ARHGAP26: variants seen among roughly 807,000 people sequenced by gnomAD.
ARHGAP26 encodes the protein rho GTPase-activating protein 26.
Under a neutral mutation model 104.8 loss-of-function variants are expected in ARHGAP26, and 38 were observed. The observed-to-expected ratio is 0.36, with a 90% CI of 0.28 to 0.48. The LOEUF (loss-of-function observed/expected upper bound fraction) is 0.48, where lower values mean the gene tolerates loss of function less well. Ranked by LOEUF, ARHGAP26 falls within the 20% of genes least tolerant of loss-of-function variation. The pLI is 0.99. For synonymous variants in ARHGAP26, 341 were observed against 340.0 expected (o/e 1.00, Z -0.03); for missense variants, 704 against 947.9 (o/e 0.74, Z 3.38).
intron 11 of ARHGAP26, among the ~76,000 whole-genome samples, chr5:142,959,765 A>G (rs1769901799): frequency 6.6e-6 from 1 of 152,252 alleles, no homozygotes; most frequent in South Asian, 2.1e-4. Context: ...CTTTAATTGT[A>G]TCTGCAAAAC....
chr5:142,981,458 C>T (rs971025582), intron 11 of ARHGAP26, among the ~76,000 whole-genome samples: 3 of 152,148 alleles, frequency 2.0e-5, no homozygotes, highest in East Asian at 3.8e-4. Context: ...CATGCAGGCA[C>T]CTTCCTCTGC....
intron 20 of ARHGAP26, among the ~76,000 whole-genome samples, chr5:143,196,148 A>G (rs1354704044): frequency 2.6e-5 from 4 of 152,064 alleles, no homozygotes; most frequent in Non-Finnish European, 1.5e-5. Flanking sequence ...CCCCCTAAAT[A>G]ATACTAAATT....
At chr5:143,207,153 GTT>G in intron 20 of ARHGAP26, 43 bp from the exon 21 acceptor site, 1 of 1,593,010 alleles carries the variant, frequency 6.3e-7, no homozygotes, top group East Asian at 2.2e-5. Flanking sequence ...TCCCATTGTG[GTT>G]TCCCTGTGTG....
At chr5:142,919,469 C>T (rs907990533) in intron 10 of ARHGAP26, 61 of 398,194 alleles carry the variant, frequency 1.5e-4, no homozygotes, top group Middle Eastern at 1.2e-3. Context: ...CACTTTGTTA[C>T]GGCAGCCCCA....
At chr5:143,188,794 A>T (rs1309385534) in intron 20 of ARHGAP26, among the ~76,000 whole-genome samples, 1 of 152,240 alleles carries the variant, frequency 6.6e-6, no homozygotes, top group Non-Finnish European at 1.5e-5. Context: ...AGAACTTTAG[A>T]ACTGTTACAT....
chr5:142,808,702 G>C (rs1419716001), intron 1 of ARHGAP26, among the ~76,000 whole-genome samples: 1 of 152,098 alleles, frequency 6.6e-6, no homozygotes, highest in Non-Finnish European at 1.5e-5. Context: ...CCAGCTGGTG[G>C]TCGAGCTGCC....
chr5:142,902,111 A>G, intron 7 of ARHGAP26, 72 bp downstream of exon 7: 3 of 1,370,510 alleles, frequency 2.2e-6, no homozygotes, highest in Non-Finnish European at 3.1e-6. Flanking sequence ...ATTGCCCTAG[A>G]AACCATCCAG....
At chr5:142,867,286 A>AGG (rs1469738599) in intron 1 of ARHGAP26, among the ~76,000 whole-genome samples, 3 of 125,938 alleles carry the variant, frequency 2.4e-5, no homozygotes, top group African/African-American at 1.1e-4. Context: ...AGATTTGCAC[A>AGG]GGGTGTGTGT....
chr5:142,917,037 ATTTTTTTT>A (rs35921990), intron 10 of ARHGAP26, among the ~76,000 whole-genome samples: 7 of 135,428 alleles, frequency 5.2e-5, no homozygotes, highest in Admixed American at 1.5e-4. Context: ...AGACTTTGGA[ATTTTTTTT>A]TTTTTTTTTT....
intron 1 of ARHGAP26, among the ~76,000 whole-genome samples, chr5:142,851,945 A>C (rs187219734): frequency 2.0e-5 from 3 of 152,218 alleles, no homozygotes; most frequent in African/African-American, 7.2e-5. Context: ...TTCACTCTAC[A>C]TAGGCACACA....
In ARHGAP26 at chr5:142,830,125, G is replaced by A. The variant is rs114125012; in HGVS notation, c.155-43275G>A. The stretch of plus-strand genomic sequence containing the variant: ...TGGCCAAGCCTCAGGAACATAGCAC[G>A]TGGGGATGTTATTCATGTTCAATAA... On this transcript the variant is annotated intron_variant, in intron 1 of 22. Transcript: ENST00000645722. 3.0e-3 allele frequency among the ~76,000 whole-genome samples: 455 copies of A among 152,330 alleles called. 6 individuals carry two copies. Among genetic ancestry groups the A allele is most frequent in the African/African-American group, 9.7e-3 (403 of 41,562 alleles).
intron 10 of ARHGAP26, among the ~76,000 whole-genome samples, chr5:142,925,363 C>A (rs1378802003): frequency 1.3e-5 from 2 of 152,192 alleles, no homozygotes; most frequent in Non-Finnish European, 2.9e-5. Flanking sequence ...CAACATAAGA[C>A]CAAGTCTATT....
At chr5:142,933,867 G>A (rs1282169040) in intron 11 of ARHGAP26, among the ~76,000 whole-genome samples, 2 of 152,154 alleles carry the variant, frequency 1.3e-5, no homozygotes, top group African/African-American at 2.4e-5. Context: ...TTTGACCCAT[G>A]TCTAATCCTA....
At chr5:143,139,846 GAC>G (rs910765366) in intron 19 of ARHGAP26, among the ~76,000 whole-genome samples, 3 of 152,194 alleles carry the variant, frequency 2.0e-5, no homozygotes, top group Admixed American at 2.0e-4. Context: ...GAAAGGTACT[GAC>G]ACACACGCTG....
chr5:143,035,458 T>C (rs1782473041), intron 12 of ARHGAP26, among the ~76,000 whole-genome samples: 1 of 152,148 alleles, frequency 6.6e-6, no homozygotes, highest in African/African-American at 2.4e-5. Context: ...AAACATTGTA[T>C]GTTCTCACTC....
At chr5:142,904,411 C>T (rs1023069384) in intron 8 of ARHGAP26, among the ~76,000 whole-genome samples, 9 of 151,722 alleles carry the variant, frequency 5.9e-5, no homozygotes, top group South Asian at 2.1e-4. Context: ...GATTGCTTAC[C>T]GGAGTGAGCC....
intron 20 of ARHGAP26, among the ~76,000 whole-genome samples, chr5:143,183,042 TCTC>T (rs1804609769): frequency 1.4e-5 from 2 of 145,010 alleles, no homozygotes; most frequent in African/African-American, 5.1e-5. Flanking sequence ...TTAGGGTTAT[TCTC>T]CTTATGCCTC....
intron 10 of ARHGAP26, among the ~76,000 whole-genome samples, chr5:142,922,787 A>G (rs958175443): frequency 6.6e-6 from 1 of 152,174 alleles, no homozygotes; most frequent in African/African-American, 2.4e-5. Flanking sequence ...TTTGCAACAC[A>G]TGAATCCATT....
At chr5:142,779,330 C>T (rs1340374180) in intron 1 of ARHGAP26, among the ~76,000 whole-genome samples, 1 of 152,100 alleles carries the variant, frequency 6.6e-6, no homozygotes, top group Non-Finnish European at 1.5e-5. Context: ...CTCATTTCAC[C>T]TTGATTGGAA....
Sources: gnomAD v4.1 joint callset for allele counts (sites outside exome capture counted in the v4.1 genomes callset) on GRCh38, gnomAD v4.1.1 for gene constraint, MANE v1.5 for transcripts, NCBI Gene and HGNC (gene_info 2026-07-23, HGNC 2026-07-21) for gene names.